Variants in ZNF248 observed in about 807,000 individuals in gnomAD.
The protein encoded by ZNF248 is zinc finger protein 248.
A neutral mutation model predicts 44.3 loss-of-function variants in ZNF248; 20 were observed. The observed-to-expected ratio is 0.45, with a 90% CI of 0.32 to 0.66. The LOEUF (loss-of-function observed/expected upper bound fraction) is 0.66. ZNF248 is among the 30% of genes least tolerant of loss of function. ZNF248 has a pLI of 0.04. For synonymous variants in ZNF248, 224 were observed against 229.0 expected (o/e 0.98, Z 0.20); for missense variants, 654 against 677.0 (o/e 0.97, Z 0.38).
At chr10:37,798,932 A>C (rs1292580555) in intron 6 of ZNF248, among the ~76,000 whole-genome samples, 1 of 152,148 alleles carries the variant, frequency 6.6e-6, no homozygotes. Flanking sequence ...AAAATAAATC[A>C]TCACAGTTTG....
chr10:37,847,972 T>C (rs2059601065), intron 3 of ZNF248, among the ~76,000 whole-genome samples: 1 of 152,134 alleles, frequency 6.6e-6, no homozygotes, highest in African/African-American at 2.4e-5. Flanking sequence ...AAAATATCAG[T>C]GAAGAAACAT....
At chr10:37,807,760 T>C (rs1445900567) in intron 6 of ZNF248, among the ~76,000 whole-genome samples, 1 of 152,240 alleles carries the variant, frequency 6.6e-6, no homozygotes, top group Non-Finnish European at 1.5e-5. Context: ...TTCTGCTCCT[T>C]TGCTGAGTCC....
the ZNF248 span, among the ~76,000 whole-genome samples, chr10:37,770,203 G>A: frequency 3.9e-5 from 6 of 152,140 alleles, no homozygotes; most frequent in African/African-American, 9.7e-5. Context: ...ACTGCCCAAG[G>A]TAATTTACAG....
At position 37,829,438 on chromosome 10, in the gene ZNF248, C is replaced by T. The variant is rs1331702517; in HGVS notation, c.*2177G>A. 2 of 985,264 alleles carry T rather than the reference C, an allele frequency of 2.0e-6. No homozygotes were observed. The highest frequency in any genetic ancestry group is 3.5e-5 in the African/African-American group (2 of 57,224). 61.0% of individuals were successfully genotyped at this position (985,264 alleles called of 1,614,324 possible). A position where few individuals can be genotyped will look rare whatever the true frequency, so the allele number is the denominator to read the frequency against. On this transcript the variant is annotated 3_prime_UTR_variant, in exon 6 of 6. Coordinates refer to ENST00000395867, the MANE Select transcript of ZNF248 (RefSeq NM_021045.3). ...ATACAAACAGCCATCCCTATATTAA[C>T]TTGTGAAAAGAAATAATTCTTCCCC...
At chr10:37,826,333 A>G (rs1209139208), downstream of ZNF248, among the ~76,000 whole-genome samples, 1 of 152,190 alleles carries the variant, frequency 6.6e-6, no homozygotes, top group Non-Finnish European at 1.5e-5. Context: ...ATTTTCAGAG[A>G]GTGTAACCGT....
intron 3 of ZNF248, among the ~76,000 whole-genome samples, chr10:37,840,638 C>T (rs907263973): frequency 2.6e-5 from 4 of 152,064 alleles, no homozygotes; most frequent in African/African-American, 4.8e-5. Flanking sequence ...TCTAAATTAG[C>T]CGGGTGTAGT....
intron 6 of ZNF248, among the ~76,000 whole-genome samples, chr10:37,812,145 G>A (rs930081964): frequency 6.6e-6 from 1 of 152,012 alleles, no homozygotes; most frequent in Non-Finnish European, 1.5e-5. Flanking sequence ...GCTGGGGTGA[G>A]AGGATCGATT....
intron 5 of ZNF248, among the ~76,000 whole-genome samples, chr10:37,836,621 T>C (rs1453050352): frequency 3.3e-5 from 5 of 152,172 alleles, no homozygotes; most frequent in Non-Finnish European, 7.3e-5. Context: ...TCTAACCTAC[T>C]GCCAAACAGA....
downstream of ZNF248, among the ~76,000 whole-genome samples, chr10:37,824,910 G>A (rs1196824960): frequency 7.0e-6 from 1 of 143,594 alleles, no homozygotes; most frequent in African/African-American, 2.6e-5. Context: ...GGATGGTCTC[G>A]ATCTCCTGAC....
At chr10:37,770,910 G>C in the ZNF248 span, among the ~76,000 whole-genome samples, 1 of 152,176 alleles carries the variant, frequency 6.6e-6, no homozygotes, top group East Asian at 1.9e-4. Context: ...ACAATGAACT[G>C]AAGCAAATTT....
Position 37,831,410 on chromosome 10 carries a change from T to G in ZNF248, c.*205A>C. 2 of 1,516,824 alleles carry G rather than the reference T, an allele frequency of 1.3e-6. No homozygotes were observed. The highest frequency in any genetic ancestry group is 1.3e-5 in the South Asian group (1 of 78,182). The allele number at this position is 1,516,824 out of a possible 1,614,324, so 94.0% of individuals were successfully genotyped here. A position where few individuals can be genotyped will look rare whatever the true frequency, so the allele number is the denominator to read the frequency against. On this transcript the variant is annotated 3_prime_UTR_variant, in exon 6 of 6. Transcript: ENST00000395867. ...AACACTAAACAACATAAATTCCAGA[T>G]AAATATTTTCACCATATTACTTAGA...
At chr10:37,767,879 C>G in the ZNF248 span, among the ~76,000 whole-genome samples, 3 of 151,994 alleles carry the variant, frequency 2.0e-5, no homozygotes, top group Admixed American at 6.6e-5. Flanking sequence ...TTCAGGAAAC[C>G]CATCTCACGT....
intron 6 of ZNF248, among the ~76,000 whole-genome samples, chr10:37,798,811 A>G (rs2133182617): frequency 6.6e-6 from 1 of 152,318 alleles, no homozygotes; most frequent in Admixed American, 6.5e-5. Context: ...TGGTGATGGA[A>G]CAGGTATAGA....
chr10:37,780,313 CAG>C (rs2047130251), intron 6 of ZNF248, among the ~76,000 whole-genome samples: 1 of 152,128 alleles, frequency 6.6e-6, no homozygotes, highest in Non-Finnish European at 1.5e-5. Flanking sequence ...GGTACTAAAA[CAG>C]AGATATAAAT....
At chr10:37,826,856 T>C (rs1414740353), downstream of ZNF248, among the ~76,000 whole-genome samples, 1 of 152,216 alleles carries the variant, frequency 6.6e-6, no homozygotes, top group Non-Finnish European at 1.5e-5. Context: ...TGATTTGTAA[T>C]ACTCAAATGC....
rs2055806817 is a variant in ZNF248, at chr10:37,832,019, A to G, written c.1336T>C (p.Cys446Arg). The part of the protein sequence containing the change: ...YECKQCGKTF[C>R]VKSNLTEHQR... The stretch of plus-strand genomic sequence containing the variant: ...TGTTCAGTGAGGTTTGACTTCACAC[A>G]GAATGTTTTTCCACATTGCTTACAT... The change falls in exon 6 of 6, where the codon TGT (cysteine) becomes CGT (arginine). Residue 446 changes from cysteine (C) to arginine (R), a missense_variant. Cys to Arg is a radical substitution (Grantham distance 180, BLOSUM62 -3). Coordinates refer to ENST00000395867, the MANE Select transcript of ZNF248 (RefSeq NM_021045.3). The G allele has an allele frequency of 1.2e-6, 2 of 1,613,966 alleles. No homozygotes were observed. The highest frequency in any genetic ancestry group is 8.5e-7 in the Non-Finnish European group (1 of 1,179,954).
chr10:37,784,971 C>CA (rs1234033558), intron 6 of ZNF248, among the ~76,000 whole-genome samples: 6 of 151,346 alleles, frequency 4.0e-5, no homozygotes, highest in African/African-American at 9.7e-5. Flanking sequence ...CTCCTGCCGC[C>CA]AAAAAAAAGG....
the ZNF248 span, among the ~76,000 whole-genome samples, chr10:37,768,449 A>G: frequency 6.6e-6 from 1 of 152,218 alleles, no homozygotes; most frequent in African/African-American, 2.4e-5. Flanking sequence ...ATCAAACTAG[A>G]ACTCAGGACT....
the ZNF248 span, among the ~76,000 whole-genome samples, chr10:37,758,845 C>T: frequency 6.6e-6 from 1 of 152,204 alleles, no homozygotes; most frequent in African/African-American, 2.4e-5. Flanking sequence ...ACTGTAAAAT[C>T]TCAGACAGTT....
Sources: allele counts gnomAD v4.1 joint callset (sites outside exome capture counted in the v4.1 genomes callset), GRCh38; gene constraint gnomAD v4.1.1; transcripts MANE v1.5; gene names NCBI Gene and HGNC (gene_info 2026-07-23, HGNC 2026-07-21).